Variants in SH3RF2 observed in about 807,000 individuals in gnomAD.
SH3RF2 encodes E3 ubiquitin-protein ligase SH3RF2.
Under a neutral mutation model 59.0 loss-of-function variants are expected in SH3RF2, and 43 were observed. That is an observed-to-expected ratio of 0.73 (90% CI 0.57 to 0.94). The LOEUF is 0.94. Ranked by LOEUF, SH3RF2 falls within the 40% of genes least tolerant of loss-of-function variation. The pLI is 0.00. For synonymous variants in SH3RF2, 391 were observed against 391.5 expected, an observed-to-expected ratio of 1.00 and a Z score of 0.01; for missense variants, 930 against 940.1, an observed-to-expected ratio of 0.99 and a Z score of 0.14.
intron 6 of SH3RF2, 55 bp downstream of exon 6, chr5:146,047,918 AC>A: frequency 1.3e-6 from 2 of 1,532,052 alleles, no homozygotes; most frequent in South Asian, 2.3e-5. Context: ...GGTCATCTTT[AC>A]CATGTACAGT....
intron 2 of SH3RF2, chr5:145,997,263 GT>G: frequency 1.0e-6 from 1 of 966,074 alleles, no homozygotes; most frequent in Non-Finnish European, 1.7e-6. Flanking sequence ...ACATGCATCT[GT>G]AAATGTACAT....
chr5:145,971,735 A>G (rs1759090037), intron 2 of SH3RF2, among the ~76,000 whole-genome samples: 1 of 152,216 alleles, frequency 6.6e-6, no homozygotes, highest in African/African-American at 2.4e-5. Flanking sequence ...CGAAGAAGAA[A>G]ATGTCACAGT....
In SH3RF2 at chr5:146,046,963, T is replaced by C. The variant is rs192906633; in HGVS notation, c.1060-809T>C. ...AAAAGAGATGGGATCTTACTATGTTTCCCAGGCTGGTCTAGAATTCCTGGT... is the reference window on the plus strand; with the variant it reads ...AAAAGAGATGGGATCTTACTATGTTCCCCAGGCTGGTCTAGAATTCCTGGT... On this transcript the variant is annotated intron_variant, in intron 5 of 9. Coordinates refer to ENST00000359120, the MANE Select transcript of SH3RF2 (RefSeq NM_152550.4). 7.9e-4 allele frequency among the ~76,000 whole-genome samples: 121 copies of C among 152,206 alleles called. No homozygotes were observed. In the East Asian group the frequency reaches 0.021, roughly 27 times the overall value.
chr5:146,040,825 G>A (rs1160430720), intron 5 of SH3RF2, among the ~76,000 whole-genome samples: 1 of 152,244 alleles, frequency 6.6e-6, no homozygotes, highest in East Asian at 1.9e-4. Context: ...AGATAGAGAA[G>A]GGCTGATAGC....
intron 5 of SH3RF2, among the ~76,000 whole-genome samples, chr5:146,034,927 G>A (rs1179817186): frequency 6.6e-6 from 1 of 152,154 alleles, no homozygotes; most frequent in Admixed American, 6.5e-5. Flanking sequence ...CCAACATGGT[G>A]AAACCCCATC....
At chr5:145,969,099 T>C (rs886457943) in intron 2 of SH3RF2, among the ~76,000 whole-genome samples, 7 of 152,178 alleles carry the variant, frequency 4.6e-5, no homozygotes, top group Admixed American at 1.3e-4. Flanking sequence ...TATCAGGGAC[T>C]CATGGCCAAG....
chr5:145,995,930 A>G (rs1760129916), intron 2 of SH3RF2, among the ~76,000 whole-genome samples: 1 of 152,200 alleles, frequency 6.6e-6, no homozygotes, highest in African/African-American at 2.4e-5. Context: ...TTGTATGGGT[A>G]TGGGTGTATA....
chr5:146,047,154 CGTGT>C lies in SH3RF2; in HGVS notation c.1060-597_1060-594del, dbSNP rs35750777. On this transcript the variant is annotated intron_variant, in intron 5 of 9. Transcript: ENST00000359120. ...CAACTACTATAAGTCATTGGATAGGCGTGTGTGTGTGTGTGTGTGTGTGTTTCTA... is the reference window on the plus strand; with the variant it reads ...CAACTACTATAAGTCATTGGATAGGCGTGTGTGTGTGTGTGTGTGTTTCTA... 1.4e-4 allele frequency among the ~76,000 whole-genome samples: 21 copies of C among 148,212 alleles called. No homozygotes were observed. In the South Asian group the frequency reaches 2.2e-3, roughly 15 times the overall value.
At chr5:145,970,955 C>A (rs1024938628) in intron 2 of SH3RF2, among the ~76,000 whole-genome samples, 5 of 152,108 alleles carry the variant, frequency 3.3e-5, no homozygotes, top group African/African-American at 1.2e-4. Context: ...GTAAAGCAAC[C>A]TCTTTATGAA....
At chr5:146,037,300 A>G (rs1761972988) in intron 5 of SH3RF2, among the ~76,000 whole-genome samples, 1 of 152,158 alleles carries the variant, frequency 6.6e-6, no homozygotes, top group South Asian at 2.1e-4. Flanking sequence ...ATAAGTTACA[A>G]TGCCAAAGCT....
intron 3 of SH3RF2, among the ~76,000 whole-genome samples, chr5:146,003,423 A>C (rs1760506712): frequency 1.3e-5 from 2 of 152,218 alleles, no homozygotes; most frequent in Admixed American, 1.3e-4. Flanking sequence ...TTTTTGGAAA[A>C]GTTTTTTAAA....
intron 2 of SH3RF2, among the ~76,000 whole-genome samples, chr5:145,968,798 T>C (rs1038266005): frequency 2.6e-5 from 4 of 152,190 alleles, no homozygotes; most frequent in African/African-American, 7.2e-5. Context: ...AATAGCCACA[T>C]AGAACTAGTG....
At chr5:146,044,964 C>T (rs12188401) in intron 5 of SH3RF2, among the ~76,000 whole-genome samples, 51,973 of 152,050 alleles carry the variant, frequency 0.34, 9,262 homozygotes, top group Non-Finnish European at 0.39. Context: ...AAAGACAGAC[C>T]CTAGTGTAAT....
At chr5:145,976,527 A>G (rs1200454415) in intron 2 of SH3RF2, among the ~76,000 whole-genome samples, 2 of 152,148 alleles carry the variant, frequency 1.3e-5, no homozygotes, top group African/African-American at 4.8e-5. Context: ...ACCACCACGT[A>G]GTTTCACTCC....
intron 4 of SH3RF2, among the ~76,000 whole-genome samples, 197 bp from the exon 5 acceptor site, chr5:146,013,550 A>G (rs1327267266): frequency 6.6e-6 from 1 of 152,170 alleles, no homozygotes; most frequent in Non-Finnish European, 1.5e-5. Flanking sequence ...AGTTATGAGA[A>G]TGCATTAATA....
chr5:146,054,353 C>G (rs532316522), intron 7 of SH3RF2, among the ~76,000 whole-genome samples: 1 of 152,178 alleles, frequency 6.6e-6, no homozygotes, highest in East Asian at 1.9e-4. Context: ...TAGCTGTATG[C>G]TGCCCTTGCT....
intron 5 of SH3RF2, among the ~76,000 whole-genome samples, chr5:146,045,633 T>C (rs1409407014): frequency 6.6e-6 from 1 of 152,244 alleles, no homozygotes; most frequent in Non-Finnish European, 1.5e-5. Flanking sequence ...TCAAGGTTCA[T>C]CCATGTTCTC....
At chr5:145,945,233 G>A (rs1384067522) in intron 2 of SH3RF2, among the ~76,000 whole-genome samples, 2 of 148,546 alleles carry the variant, frequency 1.3e-5, no homozygotes, top group Non-Finnish European at 2.9e-5. Context: ...AAAAAGAAGT[G>A]TCTTACCAAA....
At chr5:146,004,251 T>C in intron 4 of SH3RF2, 98 bp downstream of exon 4, 1 of 923,420 alleles carries the variant, frequency 1.1e-6, no homozygotes, top group Non-Finnish European at 1.6e-6. Context: ...CTATGAGGCT[T>C]ATTTCAGAAC....
Sources: allele counts gnomAD v4.1 joint callset (sites outside exome capture counted in the v4.1 genomes callset), GRCh38; gene constraint gnomAD v4.1.1; transcripts MANE v1.5; gene names NCBI Gene and HGNC (gene_info 2026-07-23, HGNC 2026-07-21).